The following SNX5 variants were observed in gnomAD, a reference collection of about 807,000 sequenced individuals.
The protein encoded by SNX5 is sorting nexin-5.
In SNX5, 31 loss-of-function variants were observed where a neutral mutation model predicts 53.9. That is an observed-to-expected ratio of 0.58 (90% confidence interval 0.43 to 0.78). The LOEUF (loss-of-function observed/expected upper bound fraction) is 0.78, where lower values mean the gene tolerates loss of function less well. Among genes scored for constraint, SNX5 ranks in the 30% least tolerant of loss-of-function variants. The pLI is 0.00. For synonymous variants in SNX5, 168 were observed against 171.1 expected (o/e 0.98, Z 0.14); for missense variants, 471 against 478.8 (o/e 0.98, Z 0.15).
Position 17,968,680 on chromosome 20 carries a change from A to C in SNX5, c.-255T>G. 1 of 575,788 alleles carries C rather than the reference A, an allele frequency of 1.7e-6. No individual in the cohort carries two copies. Among genetic ancestry groups the C allele is most frequent in the Non-Finnish European group, 3.2e-6 (1 of 316,034 alleles). 35.7% of individuals were successfully genotyped at this position (575,788 alleles called of 1,614,324 possible). On this transcript the variant is annotated 5_prime_UTR_variant, in exon 1 of 13. Coordinates refer to ENST00000377759, the MANE Select transcript of SNX5 (RefSeq NM_014426.4). ...TGCCGTCCATCTTGGAGCCGGGCAA[A>C]GACGCCACGTGGGGCCTACCCTTGC...
intron 11 of SNX5, among the ~76,000 whole-genome samples, chr20:17,946,487 G>T (rs1187461798): frequency 6.6e-6 from 1 of 152,164 alleles, no homozygotes. Flanking sequence ...GTCTGGACAG[G>T]CATCAAAAAT....
In SNX5 at chr20:17,968,493, C is replaced by T. The variant is rs1473262120; in HGVS notation, c.-68G>A. The T allele has an allele frequency of 2.4e-6, 3 of 1,275,632 alleles. No homozygotes were observed. The highest frequency in any genetic ancestry group is 3.0e-6 in the Non-Finnish European group (3 of 1,005,734). The allele number at this position is 1,275,632 out of a possible 1,614,324, so 79.0% of individuals were successfully genotyped here. On this transcript the variant is annotated 5_prime_UTR_variant, in exon 1 of 13. Coordinates refer to ENST00000377759, the MANE Select transcript of SNX5 (RefSeq NM_014426.4). ...AAAGAAGAAGCTGGGCCGCCGCCGC[C>T]GCCGCCTGGGCGCCTCTCGGGGGCG...
intron 3 of SNX5, 54 bp downstream of exon 3, chr20:17,955,311 T>G: frequency 1.5e-6 from 2 of 1,292,978 alleles, no homozygotes; most frequent in Non-Finnish European, 2.2e-6. Flanking sequence ...TCTTTTAAAC[T>G]AATGCATAGC....
intron 11 of SNX5, chr20:17,944,578 C>G (rs922740020): frequency 6.7e-6 from 1 of 149,734 alleles, no homozygotes; most frequent in African/African-American, 2.4e-5. Context: ...CGGAATCTTG[C>G]TCTGTTGCCC....
chr20:17,968,288 G>A (rs952458552), intron 1 of SNX5, 87 bp downstream of exon 1: 3 of 1,119,032 alleles, frequency 2.7e-6, no homozygotes, highest in African/African-American at 1.6e-5. Flanking sequence ...AGCAGCCACG[G>A]CCTATGGACG....
At position 17,962,138 on chromosome 20, in the gene SNX5, A is replaced by T. The variant is rs73264187; in HGVS notation, c.52-5101T>A. ...CTGTGTTCAATCTCAGCTTTAGATTATGGCACTGGTGTGTGAGAAACAACT... is the reference window on the plus strand; with the variant it reads ...CTGTGTTCAATCTCAGCTTTAGATTTTGGCACTGGTGTGTGAGAAACAACT... On this transcript the variant is annotated intron_variant, in intron 1 of 12. Transcript: ENST00000377759. 2.7e-3 allele frequency: 637 copies of T among 238,204 alleles called. 14 individuals carry two copies. Among genetic ancestry groups the T allele is most frequent in the African/African-American group, 0.014 (603 of 42,952 alleles). The allele number at this position is 238,204 out of a possible 1,614,324, so 14.8% of individuals were successfully genotyped here. A position where few individuals can be genotyped will look rare whatever the true frequency, so the allele number is the denominator to read the frequency against.
In SNX5 at chr20:17,955,483, G is replaced by GA; in HGVS notation, c.157-9dup. The GA allele has an allele frequency of 1.2e-6, 2 of 1,605,946 alleles. No homozygotes were observed. Among genetic ancestry groups the GA allele is most frequent in the Non-Finnish European group, 8.5e-7 (1 of 1,173,438 alleles). On this transcript the variant is annotated splice_polypyrimidine_tract_variant and intron_variant, in intron 2 of 12. Transcript: ENST00000377759. ...AAACGTGGGCAGTGTGGTCTGTAAA[G>GA]AAAGAAAGAAGTTAACTGGTAACCA...
chr20:17,964,906 G>A (rs988814620), intron 1 of SNX5, among the ~76,000 whole-genome samples: 9 of 152,098 alleles, frequency 5.9e-5, no homozygotes, highest in South Asian at 2.1e-4. Flanking sequence ...CAAACACGAA[G>A]CCCTCCCTTT....
At chr20:17,943,018 C>T in intron 12 of SNX5, 92 bp downstream of exon 12, 2 of 851,970 alleles carry the variant, frequency 2.3e-6, no homozygotes, top group Admixed American at 3.9e-5. Flanking sequence ...ACAAGGCCAC[C>T]CCAACTGCCT....
intron 3 of SNX5, among the ~76,000 whole-genome samples, chr20:17,954,960 C>G (rs1413374413): frequency 1.3e-5 from 2 of 152,188 alleles, no homozygotes; most frequent in African/African-American, 4.8e-5. Context: ...GATCCACCCA[C>G]CTTGGCCTCC....
Position 17,942,718 on chromosome 20 carries a change from C to T in SNX5, c.1165-311G>A, listed in dbSNP as rs538100354. On this transcript the variant is annotated intron_variant, in intron 12 of 12. Transcript: ENST00000377759. ...GTAACTTCTTAAGACACTATCAGTG[C>T]GTTGTTCCATGAAGGCAAGGGCCTT... 1.2e-4 allele frequency: 49 copies of T among 412,158 alleles called. 2 individuals carry two copies. Among genetic ancestry groups the T allele is most frequent in the Middle Eastern group, 6.4e-4 (1 of 1,562 alleles). 25.5% of individuals were successfully genotyped at this position (412,158 alleles called of 1,614,324 possible). A position where few individuals can be genotyped will look rare whatever the true frequency, so the allele number is the denominator to read the frequency against.
chr20:17,942,483 A>C, intron 12 of SNX5, 76 bp from the exon 13 acceptor site: 2 of 1,108,522 alleles, frequency 1.8e-6, no homozygotes, highest in Non-Finnish European at 2.8e-6. Flanking sequence ...CAAGTACACC[A>C]ACACGGCTTT....
At chr20:17,954,296 G>T in intron 3 of SNX5, 179 bp from the exon 4 acceptor site, 2 of 932,096 alleles carry the variant, frequency 2.1e-6, no homozygotes, top group Non-Finnish European at 3.0e-6. Context: ...TTTAAAATGA[G>T]GTGTCTTCCT....
intron 12 of SNX5, chr20:17,942,895 TA>T (rs11334169): frequency 0.37 from 126,252 of 339,154 alleles, 10,764 homozygotes; most frequent in South Asian, 0.41. Context: ...CCATCTCTAT[TA>T]AAAAAAAAAA....
chr20:17,954,082 A>C lies in SNX5; in HGVS notation c.303T>G (p.Gly101=). The part of the protein sequence containing the change: ...PPAPTKPDFD[G]PREKMQKLGE... ...CCAGTTTCTGCATCTTCTCTCGAGG[A>C]CCATCAAAGTCGGGCTTCGTAGGAG... The change falls in exon 4 of 13, where the codon GGT becomes GGG. Residue 101 remains glycine, a synonymous_variant. Transcript: ENST00000377759. The C allele has an allele frequency of 2.5e-6, 4 of 1,613,834 alleles. No homozygotes were observed. The highest frequency in any genetic ancestry group is 3.4e-6 in the Non-Finnish European group (4 of 1,179,822).
In SNX5 at chr20:17,968,193, G is replaced by A. The variant is rs573035177; in HGVS notation, c.51+182C>T. 1.7e-3 allele frequency: 713 copies of A among 419,506 alleles called. 4 individuals are homozygous for A. The highest frequency in any genetic ancestry group is 3.2e-3 in the Admixed American group (72 of 22,782). The allele number at this position is 419,506 out of a possible 1,614,324, so 26.0% of individuals were successfully genotyped here. A position where few individuals can be genotyped will look rare whatever the true frequency, so the allele number is the denominator to read the frequency against. On this transcript the variant is annotated intron_variant, in intron 1 of 12. Transcript: ENST00000377759. Reference sequence around the variant, plus strand: ...TAATAGAATCCGGGACATCCACAGGGATTCCCCGGGGCAGCCTTCAGTGAA... The same window carrying A: ...TAATAGAATCCGGGACATCCACAGGAATTCCCCGGGGCAGCCTTCAGTGAA...
intron 1 of SNX5, among the ~76,000 whole-genome samples, chr20:17,958,558 C>T (rs2035401057): frequency 6.6e-6 from 1 of 152,186 alleles, no homozygotes; most frequent in African/African-American, 2.4e-5. Context: ...TTAACATCAA[C>T]TATTAGTAAG....
At chr20:17,956,818 AGTGCTACCCTAC>A in intron 2 of SNX5, 103 bp downstream of exon 2, 1 of 657,978 alleles carries the variant, frequency 1.5e-6, no homozygotes, top group Admixed American at 2.2e-5. Context: ...CTCACTTAAT[AGTGCTACCCTAC>A]GAATAGCAAC....
chr20:17,962,350 G>T (rs1416026328), intron 1 of SNX5, among the ~76,000 whole-genome samples: 1 of 151,664 alleles, frequency 6.6e-6, no homozygotes, highest in Non-Finnish European at 1.5e-5. Context: ...GATTACAGGC[G>T]CCCACCACCC....
Sources: allele counts gnomAD v4.1 joint callset (sites outside exome capture counted in the v4.1 genomes callset), GRCh38; gene constraint gnomAD v4.1.1; transcripts MANE v1.5; gene names NCBI Gene and HGNC (gene_info 2026-07-23, HGNC 2026-07-21).